Variants in CSMD2 observed in about 807,000 individuals in gnomAD.
CSMD2 encodes CUB and Sushi multiple domains 2.
Under a neutral mutation model 398.5 loss-of-function variants are expected in CSMD2, and 130 were observed. The ratio of observed to expected loss-of-function variants is 0.33; its 90% CI spans 0.28 to 0.38. CSMD2 has a LOEUF of 0.38. CSMD2 is among the 10% of genes least tolerant of loss of function. The probability of loss-of-function intolerance (pLI) is 1.00; values close to 1 mark genes in which losing one functional copy is unlikely to be tolerated. For synonymous variants in CSMD2, 1,828 were observed against 1,908.5 expected, an observed-to-expected ratio of 0.96 and a Z score of 1.10; for missense variants, 3,829 against 4,764.9, an observed-to-expected ratio of 0.80 and a Z score of 5.78.
rs531394738 is a variant in CSMD2, at chr1:33,986,284, C to T, written c.517+46310G>A. On this transcript the variant is annotated intron_variant, in intron 3 of 70. Transcript: ENST00000373381. The stretch of plus-strand genomic sequence containing the variant: ...CTCTACTCTCTCAATCCATGTCTTT[C>T]TGTACCTCTCCAGCGCTGCTGAAAG... Among the ~76,000 whole-genome samples, 8 of 152,332 alleles carry T rather than the reference C, an allele frequency of 5.3e-5. No individual in the cohort carries two copies. The South Asian group carries it at 1.4e-3, about 28-fold the overall frequency.
At chr1:34,131,909 G>A (rs1019488137) in intron 1 of CSMD2, among the ~76,000 whole-genome samples, 10 of 152,074 alleles carry the variant, frequency 6.6e-5, no homozygotes, top group East Asian at 1.9e-4. Context: ...GCGCTCACTC[G>A]GGGTTGCCTA....
At chr1:34,025,023 G>A (rs1261878511) in intron 3 of CSMD2, among the ~76,000 whole-genome samples, 3 of 152,076 alleles carry the variant, frequency 2.0e-5, no homozygotes, top group African/African-American at 7.2e-5. Flanking sequence ...ATTTATCTGC[G>A]TGCACAGTGG....
At chr1:33,637,690 A>T (rs1642885463) in intron 29 of CSMD2, among the ~76,000 whole-genome samples, 1 of 152,206 alleles carries the variant, frequency 6.6e-6, no homozygotes. Flanking sequence ...GATGCAACTG[A>T]GTATCAGGTT....
chr1:33,880,744 A>C (rs533507400), intron 5 of CSMD2, among the ~76,000 whole-genome samples: 3 of 152,330 alleles, frequency 2.0e-5, no homozygotes, highest in Admixed American at 6.5e-5. Flanking sequence ...ATATTGGTAC[A>C]ATTCTTATAC....
intron 4 of CSMD2, among the ~76,000 whole-genome samples, chr1:33,919,405 G>A (rs1431146764): frequency 6.6e-6 from 1 of 152,198 alleles, no homozygotes; most frequent in Non-Finnish European, 1.5e-5. Context: ...AGCCATCTGG[G>A]CTAGAGATAA....
At chr1:34,053,540 C>T (rs1653466715) in intron 2 of CSMD2, among the ~76,000 whole-genome samples, 1 of 152,180 alleles carries the variant, frequency 6.6e-6, no homozygotes, top group South Asian at 2.1e-4. Context: ...CCTAGAATCC[C>T]TCTTTCTCCC....
intron 49 of CSMD2, among the ~76,000 whole-genome samples, chr1:33,576,534 T>A (rs1169566420): frequency 6.6e-6 from 1 of 152,092 alleles, no homozygotes; most frequent in Non-Finnish European, 1.5e-5. Flanking sequence ...GAGGTTGCAG[T>A]GAGCTGAGAT....
intron 60 of CSMD2, 121 bp downstream of exon 60, chr1:33,540,404 C>T: frequency 1.1e-6 from 1 of 934,198 alleles, no homozygotes; most frequent in Non-Finnish European, 1.6e-6. Context: ...TTTGATGAAG[C>T]TCCTCCCTGG....
intron 3 of CSMD2, among the ~76,000 whole-genome samples, chr1:33,971,668 A>G (rs1443067028): frequency 6.6e-6 from 1 of 152,204 alleles, no homozygotes; most frequent in Admixed American, 6.5e-5. Flanking sequence ...CTTCTCTGCA[A>G]GCTTGGGAGG....
intron 2 of CSMD2, among the ~76,000 whole-genome samples, chr1:34,045,261 C>T (rs1652386814): frequency 6.6e-6 from 1 of 151,880 alleles, no homozygotes; most frequent in African/African-American, 2.4e-5. Context: ...AAGGATATGC[C>T]CAGAGAAGGT....
Position 33,605,302 on chromosome 1 carries a change from T to G in CSMD2, c.6512A>C (p.His2171Pro), listed in dbSNP as rs773323741. ...CQHGTNRNWD[H>P]PLPKCEVPCG... ...CATACCTTCACACTTGGGCAGGGGG[T>G]GGTCCCAGTTCCGGTTGGTGCCATG... The change falls in exon 42 of 71, where the codon CAC (histidine) becomes CCC (proline). Residue 2171 changes from histidine (H) to proline (P), a missense_variant. Coordinates refer to ENST00000373381, the MANE Select transcript of CSMD2 (RefSeq NM_001281956.2). 6.2e-7 allele frequency: 1 copy of G among 1,613,912 alleles called. No homozygotes were observed. The highest frequency in any genetic ancestry group is 1.7e-5 in the Admixed American group (1 of 60,004).
Position 34,099,336 on chromosome 1 carries a change from T to C in CSMD2, c.188-10143A>G, listed in dbSNP as rs145652282. Among the ~76,000 whole-genome samples, 4 of 152,294 alleles carry C rather than the reference T, an allele frequency of 2.6e-5. No individual in the cohort carries two copies. In the East Asian group the frequency reaches 7.7e-4, roughly 29 times the overall value. On this transcript the variant is annotated intron_variant, in intron 1 of 70. Coordinates refer to ENST00000373381, the MANE Select transcript of CSMD2 (RefSeq NM_001281956.2). ...TAGACTAGAAACAAGTAAATCAAAA[T>C]ATGTCATTAGACAATACCATGCTAG...
intron 44 of CSMD2, among the ~76,000 whole-genome samples, chr1:33,588,753 G>C (rs566189814): frequency 1.3e-5 from 2 of 152,260 alleles, no homozygotes; most frequent in East Asian, 3.9e-4. Flanking sequence ...CTTGCAGCTT[G>C]AGACATTATA....
In CSMD2 at chr1:33,918,725, T is replaced by C. The variant is rs182719338; in HGVS notation, c.713-424A>G. On this transcript the variant is annotated intron_variant, in intron 4 of 70. Coordinates refer to ENST00000373381, the MANE Select transcript of CSMD2 (RefSeq NM_001281956.2). ...GCAGAGAACACTGAGCCAAAAAGATTTGGAGACAGGGGAGTGCATTGGAAA... is the reference window on the plus strand; with the variant it reads ...GCAGAGAACACTGAGCCAAAAAGATCTGGAGACAGGGGAGTGCATTGGAAA... 2.0e-3 allele frequency among the ~76,000 whole-genome samples: 302 copies of C among 152,246 alleles called. 1 individual carries two copies. Among genetic ancestry groups the C allele is most frequent in the Non-Finnish European group, 3.4e-3 (229 of 68,000 alleles).
At chr1:33,649,683 T>C (rs1181179645) in intron 28 of CSMD2, among the ~76,000 whole-genome samples, 1 of 152,048 alleles carries the variant, frequency 6.6e-6, no homozygotes, top group Non-Finnish European at 1.5e-5. Flanking sequence ...TGAAATGACA[T>C]TGAAGGAAAC....
chr1:33,782,203 G>A (rs904645880), intron 12 of CSMD2, among the ~76,000 whole-genome samples: 3 of 151,162 alleles, frequency 2.0e-5, no homozygotes, highest in African/African-American at 4.8e-5. Context: ...ACCCCTGCTC[G>A]TTCCTGAGTC....
At chr1:33,773,605 T>G (rs1651572878) in intron 12 of CSMD2, among the ~76,000 whole-genome samples, 1 of 152,016 alleles carries the variant, frequency 6.6e-6, no homozygotes, top group African/African-American at 2.4e-5. Context: ...TCACCTCCAC[T>G]CCCACTCATG....
At chr1:33,806,078 G>A (rs1301742238) in intron 10 of CSMD2, among the ~76,000 whole-genome samples, 1 of 152,054 alleles carries the variant, frequency 6.6e-6, no homozygotes, top group Non-Finnish European at 1.5e-5. Context: ...GGGAACAGGA[G>A]ACAAAATTCA....
intron 6 of CSMD2, among the ~76,000 whole-genome samples, chr1:33,826,869 G>A (rs540166302): frequency 5.9e-5 from 9 of 152,248 alleles, no homozygotes; most frequent in East Asian, 5.8e-4. Flanking sequence ...AGCTGGCCCC[G>A]CCTGCTGACT....
Sources: gnomAD v4.1 joint callset for allele counts (sites outside exome capture counted in the v4.1 genomes callset) on GRCh38, gnomAD v4.1.1 for gene constraint, MANE v1.5 for transcripts, NCBI Gene and HGNC (gene_info 2026-07-23, HGNC 2026-07-21) for gene names.